Variants in OLFM3 observed in about 807,000 individuals in gnomAD.
The protein encoded by OLFM3 is olfactomedin 3, also known as noelin-3.
In OLFM3, 20 loss-of-function variants were observed where a neutral mutation model predicts 48.6. That is an observed-to-expected ratio of 0.41 (90% CI 0.29 to 0.60). The LOEUF is 0.60. Ranked by LOEUF, OLFM3 falls within the 20% of genes least tolerant of loss-of-function variation. OLFM3 has a pLI of 0.28. For synonymous variants in OLFM3, 222 were observed against 198.1 expected (o/e 1.12, Z -1.01); for missense variants, 437 against 544.3 (o/e 0.80, Z 1.96).
rs1412944865 is a variant in OLFM3, at chr1:101,803,151, C to T, written c.*1087G>A. On this transcript the variant is annotated 3_prime_UTR_variant, in exon 6 of 6. Coordinates refer to ENST00000370103, the MANE Select transcript of OLFM3 (RefSeq NM_058170.4). ...GGGCTCATAATCTAAATCTAGAGGA[C>T]ATTACAGAATTTTTTTTTTCTAAGA... 1.3e-5 allele frequency: 2 copies of T among 152,002 alleles called. No homozygotes were observed. The highest frequency in any genetic ancestry group is 3.0e-5 in the Non-Finnish European group (2 of 67,742). 9.4% of individuals were successfully genotyped at this position (152,002 alleles called of 1,614,324 possible). A position where few individuals can be genotyped will look rare whatever the true frequency, so the allele number is the denominator to read the frequency against.
intron 4 of OLFM3, among the ~76,000 whole-genome samples, chr1:101,824,650 AACAACAAC>A (rs1654766570): frequency 4.4e-5 from 1 of 22,588 alleles, no homozygotes; most frequent in Non-Finnish European, 1.1e-4. Flanking sequence ...ACCAAACAAC[AACAACAAC>A]AACAACAACA....
chr1:101,919,857 T>TC (rs1659040284), intron 1 of OLFM3, among the ~76,000 whole-genome samples: 1 of 152,166 alleles, frequency 6.6e-6, no homozygotes, highest in African/African-American at 2.4e-5. Flanking sequence ...CAGCATATCC[T>TC]AAACTGAATT....
intron 1 of OLFM3, among the ~76,000 whole-genome samples, chr1:101,956,086 G>GTTTTTTTT (rs71592232): frequency 2.9e-5 from 3 of 105,052 alleles, no homozygotes; most frequent in Non-Finnish European, 2.0e-5. Context: ...ACAATAACAG[G>GTTTTTTTT]TTTTTTTTTT....
intron 1 of OLFM3, among the ~76,000 whole-genome samples, chr1:101,890,495 TAA>T (rs1187184948): frequency 6.6e-6 from 1 of 151,994 alleles, no homozygotes; most frequent in Non-Finnish European, 1.5e-5. Context: ...GAAATTTTTA[TAA>T]GTGTCATTGG....
chr1:101,808,589 GA>G (rs955294904), intron 4 of OLFM3, among the ~76,000 whole-genome samples: 15 of 151,452 alleles, frequency 9.9e-5, no homozygotes, highest in African/African-American at 3.6e-4. Flanking sequence ...GAAGGCAAAG[GA>G]AAAAAAATAT....
At chr1:101,808,002 A>G (rs1653860419) in intron 4 of OLFM3, among the ~76,000 whole-genome samples, 2 of 151,822 alleles carry the variant, frequency 1.3e-5, no homozygotes, top group East Asian at 1.9e-4. Context: ...CAGAATAAGT[A>G]GAAGTAGTAT....
At chr1:101,902,549 G>A (rs1446075738) in intron 1 of OLFM3, among the ~76,000 whole-genome samples, 3 of 151,828 alleles carry the variant, frequency 2.0e-5, no homozygotes, top group Non-Finnish European at 4.4e-5. Flanking sequence ...AATAATCAAG[G>A]GACCAAAACT....
At chr1:101,995,232 T>G (rs1043205280) in intron 1 of OLFM3, among the ~76,000 whole-genome samples, 5 of 152,118 alleles carry the variant, frequency 3.3e-5, no homozygotes, top group Admixed American at 6.5e-5. Flanking sequence ...AGAAAATGTT[T>G]TACCAAGAAT....
At chr1:101,816,088 A>T (rs927177582) in intron 4 of OLFM3, among the ~76,000 whole-genome samples, 1 of 152,234 alleles carries the variant, frequency 6.6e-6, no homozygotes, top group Non-Finnish European at 1.5e-5. Context: ...AACACCACTA[A>T]GATGTCTAGC....
Position 101,924,937 on chromosome 1 carries a change from T to C in OLFM3, c.69+71811A>G, listed in dbSNP as rs986870867. On this transcript the variant is annotated intron_variant, in intron 1 of 5. Coordinates refer to ENST00000370103, the MANE Select transcript of OLFM3 (RefSeq NM_058170.4). ...TGAAGGCAATTTGTAAGAAGGACTA[T>C]AGTGTGGATGTGCACAGAGTGTTGT... is the stretch of plus-strand genomic sequence containing the variant. 3.9e-5 allele frequency among the ~76,000 whole-genome samples: 6 copies of C among 152,320 alleles called. No homozygotes were observed. The East Asian group carries it at 1.2e-3, about 29-fold the overall frequency.
intron 1 of OLFM3, among the ~76,000 whole-genome samples, chr1:101,845,589 A>T (rs547163839): frequency 6.6e-6 from 1 of 152,264 alleles, no homozygotes; most frequent in South Asian, 2.1e-4. Flanking sequence ...AGATAATATA[A>T]GTTTATGTTT....
intron 1 of OLFM3, among the ~76,000 whole-genome samples, chr1:101,897,604 A>T (rs1383789428): frequency 2.0e-5 from 3 of 152,198 alleles, no homozygotes; most frequent in Admixed American, 1.3e-4. Context: ...TTGCAACCAC[A>T]AGAATTCATG....
intron 1 of OLFM3, among the ~76,000 whole-genome samples, chr1:101,862,362 A>G (rs1431889640): frequency 6.6e-6 from 1 of 152,202 alleles, no homozygotes; most frequent in African/African-American, 2.4e-5. Flanking sequence ...CAGTATTGAG[A>G]GGTTGACCTC....
At chr1:101,863,047 G>A (rs1381435766) in intron 1 of OLFM3, among the ~76,000 whole-genome samples, 1 of 147,276 alleles carries the variant, frequency 6.8e-6, no homozygotes, top group Admixed American at 6.9e-5. Flanking sequence ...TGTAACCTCC[G>A]CCTCCCATGT....
At chr1:101,848,960 T>G (rs1656120535) in intron 1 of OLFM3, among the ~76,000 whole-genome samples, 1 of 152,172 alleles carries the variant, frequency 6.6e-6, no homozygotes, top group Non-Finnish European at 1.5e-5. Flanking sequence ...GGGAAAACAG[T>G]GCTCTGATTT....
At chr1:101,940,078 G>A (rs568370410) in intron 1 of OLFM3, among the ~76,000 whole-genome samples, 2 of 152,190 alleles carry the variant, frequency 1.3e-5, no homozygotes, top group African/African-American at 4.8e-5. Context: ...ATTCATATGG[G>A]CCAGTAGGAG....
In OLFM3 at chr1:101,804,355, G is replaced by A. The variant is rs955875700; in HGVS notation, c.1260C>T (p.His420=). The A allele has an allele frequency of 6.2e-7, 1 of 1,612,464 alleles. No individual in the cohort carries two copies. The highest frequency in any genetic ancestry group is 8.5e-7 in the Non-Finnish European group (1 of 1,178,892). Residue 420 remains histidine (H), a synonymous_variant, in exon 6 of 6, where the codon CAC becomes CAT. Coordinates refer to ENST00000370103, the MANE Select transcript of OLFM3 (RefSeq NM_058170.4). The surrounding 1 kb of genome is among the most constrained non-coding windows in gnomAD (Gnocchi z 4.5). ...TTGCATTGTAGTCAAGCATGGATAT[G>A]TGAAAGTATTGGTTATGGAAGGGAA... ...TDIPFHNQYF[H]ISMLDYNARD... is the part of the protein sequence containing the mutation.
At chr1:101,874,519 T>C (rs919597828) in intron 1 of OLFM3, among the ~76,000 whole-genome samples, 2 of 150,086 alleles carry the variant, frequency 1.3e-5, no homozygotes, top group African/African-American at 4.9e-5. Flanking sequence ...GTAACAGCAG[T>C]GACAAATATT....
intron 1 of OLFM3, among the ~76,000 whole-genome samples, chr1:101,958,143 A>G (rs191632116): frequency 2.6e-5 from 4 of 152,206 alleles, no homozygotes; most frequent in African/African-American, 9.6e-5. Context: ...TGAAACTTTT[A>G]AAGGCATAGC....
Sources: gnomAD v4.1 joint callset for allele counts (sites outside exome capture counted in the v4.1 genomes callset) on GRCh38, gnomAD v4.1.1 for gene constraint, Gnocchi (gnomAD v3.1) non-coding constraint, MANE v1.5 for transcripts, NCBI Gene and HGNC (gene_info 2026-07-23, HGNC 2026-07-21) for gene names.